Variants in DYM observed in about 807,000 individuals in gnomAD.
DYM encodes dymeclin.
Under a neutral mutation model 93.1 loss-of-function variants are expected in DYM, and 78 were observed. That is an observed-to-expected ratio of 0.84 (90% CI 0.70 to 1.01). The LOEUF is 1.01. DYM is among the 50% of genes least tolerant of loss of function. The probability of loss-of-function intolerance (pLI) is 0.00; values close to 1 mark genes in which losing one functional copy is unlikely to be tolerated. For missense variants in DYM, 789 were observed against 845.0 expected (o/e 0.93, Z 0.82); for synonymous variants, 321 against 319.7 (o/e 1.00, Z -0.04).
At chr18:49,335,967 T>C (rs1195502294) in intron 6 of DYM, among the ~76,000 whole-genome samples, 2 of 152,062 alleles carry the variant, frequency 1.3e-5, no homozygotes, top group African/African-American at 2.4e-5. Flanking sequence ...GCAGACGCCA[T>C]CATGCCCAGC....
intron 14 of DYM, among the ~76,000 whole-genome samples, chr18:49,190,701 A>G (rs2090883054): frequency 6.6e-6 from 1 of 152,168 alleles, no homozygotes; most frequent in Non-Finnish European, 1.5e-5. Flanking sequence ...GCCTTGAACA[A>G]CACAGGGTTG....
chr18:49,367,244 G>A (rs922442385), intron 5 of DYM, among the ~76,000 whole-genome samples: 1 of 152,118 alleles, frequency 6.6e-6, no homozygotes. Context: ...ATTATCATCC[G>A]TATTGTGCAG....
intron 6 of DYM, among the ~76,000 whole-genome samples, chr18:49,347,467 C>G (rs1169088894): frequency 6.6e-6 from 1 of 152,080 alleles, no homozygotes; most frequent in Non-Finnish European, 1.5e-5. Flanking sequence ...CGAAGTTACC[C>G]TAATCACAAG....
Position 49,378,719 on chromosome 18 carries a change from T to A in DYM, c.288-19A>T. ...GATGTGGCTAGAAAGACCAAAATCA[T>A]ACAAGAATCAATATTTAAACATAAG... On this transcript the variant is annotated intron_variant, in intron 4 of 17. Coordinates refer to ENST00000675505, the MANE Select transcript of DYM (RefSeq NM_001353214.3). The A allele has an allele frequency of 6.2e-7, 1 of 1,611,202 alleles. No individual in the cohort carries two copies. Among genetic ancestry groups the A allele is most frequent in the East Asian group, 2.2e-5 (1 of 44,672 alleles).
chr18:49,225,235 TTTACACAGTA>T lies in DYM; in HGVS notation c.1461-15530_1461-15521del, dbSNP rs1474716285. Reference sequence around the variant, plus strand: ...AATAGCATGCGTGCACACACACAATTTTACACAGTATAAAACTTACATATCCAAGAAAATA... The same window carrying T: ...AATAGCATGCGTGCACACACACAATTTAAAACTTACATATCCAAGAAAATA... On this transcript the variant is annotated intron_variant, in intron 13 of 17. Transcript: ENST00000675505. Among the ~76,000 whole-genome samples, 3 of 152,216 alleles carry T rather than the reference TTTACACAGTA, an allele frequency of 2.0e-5. No homozygotes were observed. In the East Asian group the frequency reaches 5.8e-4, roughly 29 times the overall value.
intron 15 of DYM, among the ~76,000 whole-genome samples, chr18:49,152,873 A>C (rs946671626): frequency 1.3e-5 from 2 of 152,222 alleles, no homozygotes; most frequent in African/African-American, 4.8e-5. Context: ...AGAGACAAAA[A>C]GGGAAATACT....
chr18:49,146,083 G>A (rs1270496562), intron 15 of DYM, among the ~76,000 whole-genome samples: 1 of 152,034 alleles, frequency 6.6e-6, no homozygotes, highest in Non-Finnish European at 1.5e-5. Flanking sequence ...CCCAGCATCT[G>A]ACTTGAAGTA....
chr18:49,155,034 T>C (rs1210769602), intron 15 of DYM, among the ~76,000 whole-genome samples: 1 of 152,240 alleles, frequency 6.6e-6, no homozygotes, highest in African/African-American at 2.4e-5. Context: ...ATTTAAAAAA[T>C]AGCTGTAGAA....
chr18:49,168,117 A>G (rs1479566331), intron 14 of DYM, among the ~76,000 whole-genome samples: 4 of 152,210 alleles, frequency 2.6e-5, no homozygotes, highest in Non-Finnish European at 5.9e-5. Flanking sequence ...TATATTAATA[A>G]CATCAAATAT....
intron 1 of DYM, among the ~76,000 whole-genome samples, chr18:49,441,276 T>TTATATATATA (rs1568454725): frequency 0.076 from 3,284 of 43,274 alleles, 262 homozygotes; most frequent in African/African-American, 0.12. Context: ...ATAATATATA[T>TTATATATATA]TATATAATTA....
chr18:49,410,961 T>G (rs2148191445), intron 2 of DYM, among the ~76,000 whole-genome samples: 1 of 152,324 alleles, frequency 6.6e-6, no homozygotes, highest in East Asian at 1.9e-4. Context: ...TTTGCTGAAA[T>G]AACTTGCATT....
intron 11 of DYM, among the ~76,000 whole-genome samples, chr18:49,264,799 T>G (rs2094543923): frequency 6.6e-6 from 1 of 152,172 alleles, no homozygotes; most frequent in Non-Finnish European, 1.5e-5. Flanking sequence ...AATCACAATT[T>G]TAAAGTTTTG....
intron 11 of DYM, among the ~76,000 whole-genome samples, chr18:49,269,713 CATT>C (rs2094643193): frequency 6.6e-6 from 1 of 152,158 alleles, no homozygotes; most frequent in South Asian, 2.1e-4. Context: ...TAGCACAACA[CATT>C]ATTCATGTGT....
At chr18:49,337,627 T>C (rs1392268913) in intron 6 of DYM, among the ~76,000 whole-genome samples, 1 of 151,738 alleles carries the variant, frequency 6.6e-6, no homozygotes, top group Admixed American at 6.6e-5. Context: ...TGACAAGAGA[T>C]TGAGGGGGAA....
At chr18:49,219,322 G>T (rs2093237480) in intron 13 of DYM, among the ~76,000 whole-genome samples, 1 of 152,164 alleles carries the variant, frequency 6.6e-6, no homozygotes, top group African/African-American at 2.4e-5. Context: ...AATTCTACCA[G>T]AGGTACAAGG....
intron 15 of DYM, among the ~76,000 whole-genome samples, chr18:49,125,823 A>G (rs1464082751): frequency 1.3e-5 from 2 of 152,208 alleles, no homozygotes; most frequent in African/African-American, 4.8e-5. Flanking sequence ...TCTATGCAGT[A>G]CAGAAAGCTG....
At chr18:49,198,536 A>T (rs150375208) in intron 14 of DYM, among the ~76,000 whole-genome samples, 1 of 151,800 alleles carries the variant, frequency 6.6e-6, no homozygotes, top group African/African-American at 2.4e-5. Context: ...AATTTACAAG[A>T]AAAAAACAAC....
intron 6 of DYM, among the ~76,000 whole-genome samples, chr18:49,360,823 A>G (rs2065955638): frequency 6.6e-6 from 1 of 152,192 alleles, no homozygotes; most frequent in Non-Finnish European, 1.5e-5. Context: ...GAGGAAACCC[A>G]AAGATATGGG....
chr18:49,179,759 T>C (rs2089738215), intron 14 of DYM, among the ~76,000 whole-genome samples: 2 of 152,138 alleles, frequency 1.3e-5, no homozygotes, highest in Admixed American at 1.3e-4. Flanking sequence ...TATCTACTGC[T>C]TCCTCTGTAT....
Sources: gnomAD v4.1 joint callset for allele counts (sites outside exome capture counted in the v4.1 genomes callset) on GRCh38, gnomAD v4.1.1 for gene constraint, MANE v1.5 for transcripts, NCBI Gene and HGNC (gene_info 2026-07-23, HGNC 2026-07-21) for gene names.